Variants in DIS3L2 observed in about 807,000 individuals in gnomAD.
DIS3L2 encodes the protein DIS3 like 3'-5' exoribonuclease 2.
In DIS3L2, 34 loss-of-function variants were observed where a neutral mutation model predicts 97.5. That is an observed-to-expected ratio of 0.35 (90% CI 0.27 to 0.46). DIS3L2 has a LOEUF of 0.46. DIS3L2 is among the 20% of genes least tolerant of loss of function. The probability of loss-of-function intolerance (pLI) is 1.00; values close to 1 mark genes in which losing one functional copy is unlikely to be tolerated. For synonymous variants in DIS3L2, 435 were observed against 445.2 expected (o/e 0.98, Z 0.29); for missense variants, 1,038 against 1,146.0 (o/e 0.91, Z 1.36).
Position 232,191,206 on chromosome 2 carries a change from T to C in DIS3L2, c.1125-19120T>C, listed in dbSNP as rs114026222. Among the ~76,000 whole-genome samples the C allele has an allele frequency of 7.9e-3, 1,210 of 152,210 alleles. 10 individuals carry two copies. Among genetic ancestry groups the C allele is most frequent in the Admixed American group, 0.013 (202 of 15,294 alleles). The stretch of plus-strand genomic sequence containing the variant: ...AGGGTCCTGAAGATATTTGTGCAAA[T>C]TGGAGAGATTTGAGCTTGCTGGCAA... On this transcript the variant is annotated intron_variant, in intron 9 of 20. Coordinates refer to ENST00000325385, the MANE Select transcript of DIS3L2 (RefSeq NM_152383.5).
chr2:232,342,357 G>T (rs896724565), intron 13 of DIS3L2, among the ~76,000 whole-genome samples: 38 of 151,542 alleles, frequency 2.5e-4, no homozygotes, highest in African/African-American at 8.4e-4. Flanking sequence ...ATCTTATTTA[G>T]CAACAGTGGT....
intron 5 of DIS3L2, among the ~76,000 whole-genome samples, chr2:232,062,448 A>G (rs1559587060): frequency 6.6e-6 from 1 of 152,140 alleles, no homozygotes; most frequent in Non-Finnish European, 1.5e-5. Context: ...CAGAGGGGTA[A>G]TCAATTACTA....
chr2:232,071,034 A>T (rs1696002089), intron 5 of DIS3L2, among the ~76,000 whole-genome samples: 1 of 152,240 alleles, frequency 6.6e-6, no homozygotes, highest in South Asian at 2.1e-4. Flanking sequence ...CTTCTCCTGC[A>T]GTCCAAGCCA....
chr2:232,033,322 G>A (rs918716362), intron 5 of DIS3L2, among the ~76,000 whole-genome samples: 1 of 152,188 alleles, frequency 6.6e-6, no homozygotes, highest in Admixed American at 6.5e-5. Flanking sequence ...CATTAATTTT[G>A]TATTCTGAGA....
At chr2:232,155,360 T>G (rs1690462388) in intron 8 of DIS3L2, among the ~76,000 whole-genome samples, 1 of 152,192 alleles carries the variant, frequency 6.6e-6, no homozygotes, top group South Asian at 2.1e-4. Context: ...CATTCATGGA[T>G]CTAGTGCTCA....
intron 13 of DIS3L2, among the ~76,000 whole-genome samples, chr2:232,298,157 G>A (rs1187863158): frequency 6.6e-6 from 1 of 152,180 alleles, no homozygotes; most frequent in Non-Finnish European, 1.5e-5. Flanking sequence ...GCTATTCCAT[G>A]TGTGACTATA....
At chr2:232,008,775 C>T (rs1010164658) in intron 1 of DIS3L2, among the ~76,000 whole-genome samples, 1 of 152,152 alleles carries the variant, frequency 6.6e-6, no homozygotes, top group East Asian at 1.9e-4. Flanking sequence ...TTAGCCTGAT[C>T]AGTTGTGGGT....
At chr2:232,177,074 C>G (rs1023173653) in intron 9 of DIS3L2, among the ~76,000 whole-genome samples, 7 of 146,010 alleles carry the variant, frequency 4.8e-5, no homozygotes, top group Non-Finnish European at 7.5e-5. Flanking sequence ...TTTGTTCTTG[C>G]GATAGTTTAC....
intron 13 of DIS3L2, among the ~76,000 whole-genome samples, chr2:232,289,060 T>C (rs1694526448): frequency 6.6e-6 from 1 of 152,008 alleles, no homozygotes; most frequent in Non-Finnish European, 1.5e-5. Flanking sequence ...TCGTCCTGCT[T>C]GGTGGCGTGG....
intron 5 of DIS3L2, among the ~76,000 whole-genome samples, chr2:232,076,558 A>G (rs3116245): frequency 0.79 from 120,760 of 152,172 alleles, 48,526 homozygotes; most frequent in African/African-American, 0.9. Flanking sequence ...TTATTGCTAC[A>G]TGGCATCTCT....
intron 12 of DIS3L2, among the ~76,000 whole-genome samples, chr2:232,258,846 C>G (rs745708038): frequency 6.6e-6 from 1 of 152,132 alleles, no homozygotes; most frequent in African/African-American, 2.4e-5. Flanking sequence ...TCCGAGGACC[C>G]CCTCCATTTG....
chr2:232,198,714 C>T (rs189320145), intron 9 of DIS3L2: 8 of 152,332 alleles, frequency 5.3e-5, no homozygotes, highest in Admixed American at 2.6e-4. Flanking sequence ...AGAGACCAAG[C>T]CATCTCTGCC....
chr2:232,326,541 C>G (rs532685418), intron 14 of DIS3L2, among the ~76,000 whole-genome samples: 1 of 152,194 alleles, frequency 6.6e-6, no homozygotes, highest in Non-Finnish European at 1.5e-5. Context: ...CCCCCATCTG[C>G]TACTTGCAGC....
chr2:232,335,970 TC>T lies in DIS3L2; in HGVS notation c.2496+101del, dbSNP rs758843239. Reference sequence around the variant, plus strand: ...ATTCCTTCATCTGTGTCCCCTGGGCTCCCCCAGCACTGCAGCCTCCCGGGTG... The same window carrying T: ...ATTCCTTCATCTGTGTCCCCTGGGCTCCCCAGCACTGCAGCCTCCCGGGTG... On this transcript the variant is annotated intron_variant, in intron 20 of 20. Transcript: ENST00000325385. The T allele has an allele frequency of 4.6e-5, 71 of 1,538,808 alleles. No homozygotes were observed. In the East Asian group the frequency reaches 1.5e-3, roughly 33 times the overall value.
At chr2:232,302,682 T>C (rs1310184107) in intron 14 of DIS3L2, among the ~76,000 whole-genome samples, 1 of 151,764 alleles carries the variant, frequency 6.6e-6, no homozygotes, top group African/African-American at 2.4e-5. Flanking sequence ...TGCCTCAGCC[T>C]CCCGAATAGC....
intron 11 of DIS3L2, among the ~76,000 whole-genome samples, chr2:232,240,400 G>A (rs1693048988): frequency 6.6e-6 from 1 of 152,164 alleles, no homozygotes; most frequent in Non-Finnish European, 1.5e-5. Flanking sequence ...GTTGATCAGA[G>A]CCAGGAAATT....
intron 1 of DIS3L2, among the ~76,000 whole-genome samples, chr2:232,008,369 T>C (rs996021832): frequency 6.6e-6 from 1 of 152,080 alleles, no homozygotes; most frequent in Non-Finnish European, 1.5e-5. Context: ...TTTTTATTTC[T>C]GGGAATTTGT....
At chr2:232,306,697 A>G (rs193032512) in intron 14 of DIS3L2, among the ~76,000 whole-genome samples, 2 of 152,340 alleles carry the variant, frequency 1.3e-5, no homozygotes, top group East Asian at 3.9e-4. Context: ...GTATAGTTCT[A>G]GGCCCTGGGG....
chr2:232,043,784 A>G (rs1055323780), intron 5 of DIS3L2, among the ~76,000 whole-genome samples: 4 of 152,208 alleles, frequency 2.6e-5, no homozygotes, highest in African/African-American at 9.7e-5. Flanking sequence ...ATGTACTGAC[A>G]TTTACTTGGT....
Sources: allele counts gnomAD v4.1 joint callset (sites outside exome capture counted in the v4.1 genomes callset), GRCh38; gene constraint gnomAD v4.1.1; transcripts MANE v1.5; gene names NCBI Gene and HGNC (gene_info 2026-07-23, HGNC 2026-07-21).